The following KCNQ1 variants were observed in gnomAD, a reference collection of about 807,000 sequenced individuals.
The protein encoded by KCNQ1 is potassium voltage-gated channel subfamily KQT member 1.
In KCNQ1, 49 loss-of-function variants were observed where a neutral mutation model predicts 72.4. That is an observed-to-expected ratio of 0.68 (90% confidence interval 0.54 to 0.86). The LOEUF (loss-of-function observed/expected upper bound fraction) is 0.86. KCNQ1 is among the 40% of genes least tolerant of loss of function. The pLI is 0.00. For synonymous variants in KCNQ1, 450 were observed against 412.6 expected, an observed-to-expected ratio of 1.09 and a Z score of -1.10; for missense variants, 790 against 945.1, an observed-to-expected ratio of 0.84 and a Z score of 2.15.
Position 2,670,209 on chromosome 11 carries a change from G to A in KCNQ1, c.1514+8128G>A. 2.5e-6 allele frequency: 1 copy of A among 398,628 alleles called. No individual in the cohort carries two copies. The highest frequency in any genetic ancestry group is 2.1e-5 in the African/African-American group (1 of 48,744). 24.7% of individuals were successfully genotyped at this position (398,628 alleles called of 1,614,324 possible). On this transcript the variant is annotated intron_variant, in intron 11 of 15. Coordinates refer to ENST00000155840, the MANE Select transcript of KCNQ1 (RefSeq NM_000218.3). The surrounding 1 kb of genome is among the most constrained non-coding windows in gnomAD (Gnocchi z 4.9). ...TAAAGCAGAGTGAAGAGCAGGGCGA[G>A]CTGTGTAGCTCACCTGCCTTTGACC...
chr11:2,736,866 A>AC (rs1845967213), intron 11 of KCNQ1, among the ~76,000 whole-genome samples: 1 of 151,980 alleles, frequency 6.6e-6, no homozygotes, highest in Admixed American at 6.6e-5. Flanking sequence ...CGGCTCAGGG[A>AC]CCCCACAGTC....
In KCNQ1 at chr11:2,757,381, A is replaced by G. The variant is rs565613190; in HGVS notation, c.1515-11463A>G. On this transcript the variant is annotated intron_variant, in intron 11 of 15. Transcript: ENST00000155840. ...TATAAATTTAACAAAACATGTAAAGATGTATATACTAAAAACTACAATATG... is the reference window on the plus strand; with the variant it reads ...TATAAATTTAACAAAACATGTAAAGGTGTATATACTAAAAACTACAATATG... Among the ~76,000 whole-genome samples, 6 of 152,360 alleles carry G rather than the reference A, an allele frequency of 3.9e-5. No individual in the cohort carries two copies. The South Asian group carries it at 1.2e-3, about 32-fold the overall frequency.
chr11:2,832,485 G>A (rs1008001932), intron 15 of KCNQ1, among the ~76,000 whole-genome samples: 18 of 152,174 alleles, frequency 1.2e-4, no homozygotes, highest in Non-Finnish European at 1.6e-4. Context: ...CGGGCTCTGC[G>A]ACTCCACAAC....
At chr11:2,718,270 G>A (rs918029063) in intron 11 of KCNQ1, among the ~76,000 whole-genome samples, 1 of 152,130 alleles carries the variant, frequency 6.6e-6, no homozygotes, top group Non-Finnish European at 1.5e-5. Context: ...AGGGGCCTGA[G>A]CCCCAGGTAG....
chr11:2,670,489 T>C lies in KCNQ1; in HGVS notation c.1514+8408T>C, dbSNP rs1590021206. 5.0e-6 allele frequency: 2 copies of C among 397,126 alleles called. No homozygotes were observed. Among genetic ancestry groups the C allele is most frequent in the East Asian group, 3.6e-5 (1 of 28,050 alleles). The allele number at this position is 397,126 out of a possible 1,614,324, so 24.6% of individuals were successfully genotyped here. A position where few individuals can be genotyped will look rare whatever the true frequency, so the allele number is the denominator to read the frequency against. Reference sequence around the variant, plus strand: ...CTTGGTAGGTCCCTCAGAGAGCATCTAGTGGGCCTGTCCTCCCAGCTCACA... The same window carrying C: ...CTTGGTAGGTCCCTCAGAGAGCATCCAGTGGGCCTGTCCTCCCAGCTCACA... On this transcript the variant is annotated intron_variant, in intron 11 of 15. Transcript: ENST00000155840. This position sits in a 1 kb window ranked among gnomAD's most constrained non-coding sequence, Gnocchi z 4.9.
At position 2,674,240 on chromosome 11, in the gene KCNQ1, G is replaced by A. The variant is rs1294262736; in HGVS notation, c.1514+12159G>A. 3 of 398,624 alleles carry A rather than the reference G, an allele frequency of 7.5e-6. No individual in the cohort carries two copies. The highest frequency in any genetic ancestry group is 6.2e-5 in the African/African-American group (3 of 48,622). 24.7% of individuals were successfully genotyped at this position (398,624 alleles called of 1,614,324 possible). On this transcript the variant is annotated intron_variant, in intron 11 of 15. Coordinates refer to ENST00000155840, the MANE Select transcript of KCNQ1 (RefSeq NM_000218.3). This position sits in a 1 kb window ranked among gnomAD's most constrained non-coding sequence, Gnocchi z 5.9. ...TGGGGCCCAGATAGATGTGAGCAGA[G>A]CTGGAGGCCCCTCTCTCCCAGCCCC...
Position 2,690,407 on chromosome 11 carries a change from C to T in KCNQ1, c.1514+28326C>T. The T allele has an allele frequency of 2.5e-6, 1 of 398,680 alleles. No homozygotes were observed. Among genetic ancestry groups the T allele is most frequent in the Non-Finnish European group, 4.4e-6 (1 of 226,116 alleles). The allele number at this position is 398,680 out of a possible 1,614,324, so 24.7% of individuals were successfully genotyped here. ...CCAGACCAAAAGAGCTATCTCTCTCCCTGCGAAAGGCTGGGGTCCTGGGAG... is the reference window on the plus strand; with the variant it reads ...CCAGACCAAAAGAGCTATCTCTCTCTCTGCGAAAGGCTGGGGTCCTGGGAG... On this transcript the variant is annotated intron_variant, in intron 11 of 15. Transcript: ENST00000155840. The surrounding 1 kb of genome is among the most constrained non-coding windows in gnomAD (Gnocchi z 5.1).
At chr11:2,742,746 C>T (rs975299133) in intron 11 of KCNQ1, among the ~76,000 whole-genome samples, 1 of 152,242 alleles carries the variant, frequency 6.6e-6, no homozygotes, top group African/African-American at 2.4e-5. Context: ...TCGGGGCGGT[C>T]CTGACAGCCA....
intron 11 of KCNQ1, chr11:2,699,443 G>A (rs1429960805): frequency 7.5e-6 from 3 of 401,808 alleles, no homozygotes; most frequent in East Asian, 7.3e-5. Flanking sequence ...TGGGAGAACC[G>A]CACTGAGGAG....
Position 2,824,157 on chromosome 11 carries a change from A to T in KCNQ1, c.1795-23610A>T, listed in dbSNP as rs1847792996. Reference sequence around the variant, plus strand: ...CACACAAACACACCCAGACACATGCATGCACATGGATAACTAACTCTTCCA... The same window carrying T: ...CACACAAACACACCCAGACACATGCTTGCACATGGATAACTAACTCTTCCA... On this transcript the variant is annotated intron_variant, in intron 15 of 15. Coordinates refer to ENST00000155840, the MANE Select transcript of KCNQ1 (RefSeq NM_000218.3). The surrounding 1 kb of genome is among the most constrained non-coding windows in gnomAD (Gnocchi z 5.9). Among the ~76,000 whole-genome samples, 1 of 152,098 alleles carries T rather than the reference A, an allele frequency of 6.6e-6. No individual in the cohort carries two copies. The highest frequency in any genetic ancestry group is 1.5e-5 in the Non-Finnish European group (1 of 68,016).
chr11:2,553,045 T>G (rs1295581877), intron 2 of KCNQ1, among the ~76,000 whole-genome samples: 2 of 152,230 alleles, frequency 1.3e-5, no homozygotes, highest in Non-Finnish European at 2.9e-5. Flanking sequence ...TATTTGTTGC[T>G]AGGATATAGA....
In KCNQ1 at chr11:2,615,336, T is replaced by C. The variant is rs11023475; in HGVS notation, c.1393+26482T>C. On this transcript the variant is annotated intron_variant, in intron 10 of 15. Coordinates refer to ENST00000155840, the MANE Select transcript of KCNQ1 (RefSeq NM_000218.3). ...TTTTCTAGATAGAAGATGTCATTAT[T>C]GAATAAAGAGTTTTACTGCTTCCTT... 5.5e-3 allele frequency: 2,177 copies of C among 398,076 alleles called. 30 individuals are homozygous for C. The highest frequency in any genetic ancestry group is 0.034 in the African/African-American group (1,680 of 48,720). The allele number at this position is 398,076 out of a possible 1,614,324, so 24.7% of individuals were successfully genotyped here.
chr11:2,642,885 A>T lies in KCNQ1; in HGVS notation c.1394-19076A>T, dbSNP rs949578677. On this transcript the variant is annotated intron_variant, in intron 10 of 15. Transcript: ENST00000155840. The surrounding 1 kb of genome is among the most constrained non-coding windows in gnomAD (Gnocchi z 4.3). The stretch of plus-strand genomic sequence containing the variant: ...GCTTCTATTTTCACTTGTTTCAGTA[A>T]ATTTTTTATTTCTGCCTTAATTTCT... 1.3e-5 allele frequency: 5 copies of T among 397,668 alleles called. No homozygotes were observed. The highest frequency in any genetic ancestry group is 2.2e-5 in the Non-Finnish European group (5 of 225,682). 24.6% of individuals were successfully genotyped at this position (397,668 alleles called of 1,614,324 possible).
chr11:2,661,830 A>G lies in KCNQ1; in HGVS notation c.1394-131A>G, dbSNP rs1849961320. On this transcript the variant is annotated intron_variant, in intron 10 of 15. Coordinates refer to ENST00000155840, the MANE Select transcript of KCNQ1 (RefSeq NM_000218.3). This position sits in a 1 kb window ranked among gnomAD's most constrained non-coding sequence, Gnocchi z 5.9. ...ACCCCAACACCCAACTATAAAACTG[A>G]TTGTCAGGGCTGGAGCTTCCAGGCA... 4.6e-6 allele frequency: 5 copies of G among 1,095,136 alleles called. No homozygotes were observed. The South Asian group carries it at 5.1e-5, about 11-fold the overall frequency. The allele number at this position is 1,095,136 out of a possible 1,614,324, so 67.8% of individuals were successfully genotyped here. A position where few individuals can be genotyped will look rare whatever the true frequency, so the allele number is the denominator to read the frequency against.
In KCNQ1 at chr11:2,544,286, ATATATATG is replaced by A. The variant is rs1847870209; in HGVS notation, c.477+16278_477+16285del. Among the ~76,000 whole-genome samples, 2 of 139,174 alleles carry A rather than the reference ATATATATG, an allele frequency of 1.4e-5. No individual in the cohort carries two copies. The highest frequency in any genetic ancestry group is 2.8e-5 in the African/African-American group (1 of 35,154). The allele number at this position is 139,174 out of a possible 152,430, so 91.3% of individuals were successfully genotyped here. A position where few individuals can be genotyped will look rare whatever the true frequency, so the allele number is the denominator to read the frequency against. On this transcript the variant is annotated intron_variant, in intron 2 of 15. Transcript: ENST00000155840. The surrounding 1 kb of genome is among the most constrained non-coding windows in gnomAD (Gnocchi z 4.4). The stretch of plus-strand genomic sequence containing the variant: ...TGTGTGTGTGTATATATATGTGTAT[ATATATATG>A]TATATATGTGTATATATGTATATAT...
intron 11 of KCNQ1, among the ~76,000 whole-genome samples, chr11:2,756,667 T>C (rs915482972): frequency 6.6e-6 from 1 of 151,866 alleles, no homozygotes; most frequent in African/African-American, 2.4e-5. Flanking sequence ...CCCAGGCTGG[T>C]CTTGAACTCC....
intron 15 of KCNQ1, among the ~76,000 whole-genome samples, chr11:2,846,206 C>T (rs1032710997): frequency 3.9e-5 from 6 of 152,294 alleles, no homozygotes; most frequent in Middle Eastern, 3.4e-3. Flanking sequence ...CCAGGTGGAC[C>T]GGGCCAGCTC....
rs1425107328 is a variant in KCNQ1, at chr11:2,627,137, C to T, written c.1394-34824C>T. 2.5e-6 allele frequency: 1 copy of T among 398,322 alleles called. No homozygotes were observed. The highest frequency in any genetic ancestry group is 4.4e-5 in the Admixed American group (1 of 22,698). The allele number at this position is 398,322 out of a possible 1,614,324, so 24.7% of individuals were successfully genotyped here. A position where few individuals can be genotyped will look rare whatever the true frequency, so the allele number is the denominator to read the frequency against. Reference sequence around the variant, plus strand: ...TTTCATTGTACAAGACTTTCACCTCCTTGGTAAAGTTGGTTCCTAAGTTTG... The same window carrying T: ...TTTCATTGTACAAGACTTTCACCTCTTTGGTAAAGTTGGTTCCTAAGTTTG... On this transcript the variant is annotated intron_variant, in intron 10 of 15. Coordinates refer to ENST00000155840, the MANE Select transcript of KCNQ1 (RefSeq NM_000218.3). This position sits in a 1 kb window ranked among gnomAD's most constrained non-coding sequence, Gnocchi z 4.9.
rs1221253486 is a variant in KCNQ1 at position 2,456,965 on chromosome 11, A to C, written c.386+11481A>C. 3.6e-4 allele frequency among the ~76,000 whole-genome samples: 49 copies of C among 135,588 alleles called. 4 individuals are homozygous for C. Among genetic ancestry groups the C allele is most frequent in the Non-Finnish European group, 3.1e-4 (20 of 64,478 alleles). 89.0% of individuals were successfully genotyped at this position (135,588 alleles called of 152,430 possible). A position where few individuals can be genotyped will look rare whatever the true frequency, so the allele number is the denominator to read the frequency against. ...AAAAAAAAAAAAAAAAAAAAAAAAA[A>C]CCCAAAAAAACAAAAAGTGGGCAAA... On this transcript the variant is annotated intron_variant, in intron 1 of 15. Transcript: ENST00000155840.
Sources: gnomAD v4.1 joint callset for allele counts (sites outside exome capture counted in the v4.1 genomes callset) on GRCh38, gnomAD v4.1.1 for gene constraint, Gnocchi (gnomAD v3.1) non-coding constraint, MANE v1.5 for transcripts, NCBI Gene and HGNC (gene_info 2026-07-23, HGNC 2026-07-21) for gene names.